The following IFT80 variants were observed in gnomAD, a reference collection of about 807,000 sequenced individuals.
IFT80 encodes intraflagellar transport protein 80 homolog.
Under a neutral mutation model 107.9 loss-of-function variants are expected in IFT80, and 79 were observed. The ratio of observed to expected loss-of-function variants is 0.73; its 90% confidence interval spans 0.61 to 0.88. IFT80 has a LOEUF of 0.88. Ranked by LOEUF, IFT80 falls within the 40% of genes least tolerant of loss-of-function variation. The pLI is 0.00. For missense variants in IFT80, 797 were observed against 914.2 expected, an observed-to-expected ratio of 0.87 and a Z score of 1.65; for synonymous variants, 299 against 300.9, an observed-to-expected ratio of 0.99 and a Z score of 0.07.
intron 2 of IFT80, 45 bp downstream of exon 2, chr3:160,384,519 A>G (rs770139025): frequency 4.3e-6 from 6 of 1,409,738 alleles, no homozygotes; most frequent in Admixed American, 2.2e-5. Context: ...TAACAATACT[A>G]TAATTAAGAA....
intron 19 of IFT80, among the ~76,000 whole-genome samples, chr3:160,258,867 T>C (rs1439016784): frequency 6.6e-6 from 1 of 151,854 alleles, no homozygotes; most frequent in Non-Finnish European, 1.5e-5. Context: ...AAGGCTGAGG[T>C]GGGTGGATTG....
chr3:160,307,791 G>A lies in IFT80; in HGVS notation c.958-10C>T, dbSNP rs778131214. 5.2e-6 allele frequency: 7 copies of A among 1,347,308 alleles called. No individual in the cohort carries two copies. Among genetic ancestry groups the A allele is most frequent in the Non-Finnish European group, 6.4e-6 (6 of 938,298 alleles). The allele number at this position is 1,347,308 out of a possible 1,614,324, so 83.5% of individuals were successfully genotyped here. On this transcript the variant is annotated splice_polypyrimidine_tract_variant and intron_variant, in intron 9 of 19. Coordinates refer to ENST00000326448, the MANE Select transcript of IFT80 (RefSeq NM_020800.3). ...TAAGAACATTACGAACCTAAACAAG[G>A]AAAAATAAAATACCAATAAACATTA...
chr3:160,278,328 T>G (rs371742311), intron 16 of IFT80, among the ~76,000 whole-genome samples: 3 of 152,304 alleles, frequency 2.0e-5, no homozygotes, highest in East Asian at 3.9e-4. Context: ...GTATACAAGA[T>G]GGCACTGGCC....
At chr3:160,269,665 A>G (rs1193432921) in intron 18 of IFT80, among the ~76,000 whole-genome samples, 1 of 152,196 alleles carries the variant, frequency 6.6e-6, no homozygotes, top group Non-Finnish European at 1.5e-5. Context: ...TTACTTTCAC[A>G]TGTGGGTTTT....
chr3:160,335,468 C>T (rs1342402434), intron 8 of IFT80, among the ~76,000 whole-genome samples: 2 of 151,986 alleles, frequency 1.3e-5, no homozygotes, highest in Admixed American at 1.3e-4. Context: ...GTGATCCACT[C>T]GCCTCGGCCT....
intron 12 of IFT80, among the ~76,000 whole-genome samples, chr3:160,294,222 T>C (rs1715800120): frequency 6.6e-6 from 1 of 152,068 alleles, no homozygotes; most frequent in African/African-American, 2.4e-5. Flanking sequence ...TCCTTAACTT[T>C]TTTTTTCTTT....
chr3:160,388,216 CTTT>C (rs754817640), intron 1 of IFT80, among the ~76,000 whole-genome samples: 7 of 134,858 alleles, frequency 5.2e-5, no homozygotes, highest in Admixed American at 1.5e-4. Context: ...GGACTTGTTT[CTTT>C]TTTTTTTTTT....
intron 1 of IFT80, among the ~76,000 whole-genome samples, chr3:160,397,496 T>A (rs1168415749): frequency 2.6e-5 from 4 of 152,136 alleles, no homozygotes; most frequent in Non-Finnish European, 4.4e-5. Flanking sequence ...CAAAATCAAA[T>A]CCTTATGGAG....
chr3:160,360,553 G>A (rs1382764289), intron 6 of IFT80, among the ~76,000 whole-genome samples: 2 of 152,106 alleles, frequency 1.3e-5, no homozygotes, highest in Non-Finnish European at 2.9e-5. Flanking sequence ...ACACATAATT[G>A]TCAGATTCAC....
chr3:160,356,950 T>C (rs1043696297), intron 7 of IFT80, among the ~76,000 whole-genome samples: 10 of 152,242 alleles, frequency 6.6e-5, no homozygotes, highest in African/African-American at 2.4e-4. Flanking sequence ...TCTCTACAAA[T>C]TATTTTGACC....
At chr3:160,325,044 A>C (rs1376278301) in intron 8 of IFT80, among the ~76,000 whole-genome samples, 3 of 151,118 alleles carry the variant, frequency 2.0e-5, no homozygotes, top group Non-Finnish European at 4.4e-5. Flanking sequence ...CTTCAAAGAG[A>C]ATAAAATACC....
chr3:160,367,307 T>C (rs1442389861), intron 5 of IFT80, among the ~76,000 whole-genome samples: 2 of 152,078 alleles, frequency 1.3e-5, no homozygotes, highest in Non-Finnish European at 1.5e-5. Flanking sequence ...AATGGAGTTA[T>C]AGCCATCAGT....
intron 8 of IFT80, among the ~76,000 whole-genome samples, chr3:160,333,610 C>A (rs1719243451): frequency 6.6e-6 from 1 of 152,000 alleles, no homozygotes; most frequent in South Asian, 2.1e-4. Flanking sequence ...TAGGCCTATG[C>A]AGGGTCAGAA....
chr3:160,323,903 G>C (rs183592500), intron 8 of IFT80, among the ~76,000 whole-genome samples: 4 of 152,140 alleles, frequency 2.6e-5, no homozygotes, highest in Admixed American at 2.6e-4. Context: ...AAGAAAAAAA[G>C]AGAGAAGAAT....
rs572643534 is a variant in IFT80, at chr3:160,366,036, G to C, written c.549+7C>G. 9 of 1,603,714 alleles carry C rather than the reference G, an allele frequency of 5.6e-6. No individual in the cohort carries two copies. The African/African-American group carries it at 1.2e-4, about 21-fold the overall frequency. The stretch of plus-strand genomic sequence containing the variant: ...CTGATAACAATTTACAAATGACTGA[G>C]AAGTACCTGCAAAACTTTAGCATTT... On this transcript the variant is annotated splice_region_variant and intron_variant, in intron 6 of 19. Coordinates refer to ENST00000326448, the MANE Select transcript of IFT80 (RefSeq NM_020800.3).
intron 12 of IFT80, among the ~76,000 whole-genome samples, chr3:160,300,615 C>A (rs971758186): frequency 2.0e-5 from 3 of 152,098 alleles, no homozygotes; most frequent in African/African-American, 7.2e-5. Flanking sequence ...AAACTCTCTA[C>A]CAACAGCTAC....
At chr3:160,292,467 A>G in intron 12 of IFT80, among the ~76,000 whole-genome samples, 1 of 148,734 alleles carries the variant, frequency 6.7e-6, no homozygotes, top group Middle Eastern at 3.5e-3. Flanking sequence ...CCTGCACTAG[A>G]GAGATTCCTT....
At chr3:160,338,914 T>G (rs1719685555) in intron 8 of IFT80, among the ~76,000 whole-genome samples, 1 of 152,180 alleles carries the variant, frequency 6.6e-6, no homozygotes, top group Non-Finnish European at 1.5e-5. Flanking sequence ...GTTAAGTTTA[T>G]TGCTGGGATA....
In IFT80 at chr3:160,258,268, A is replaced by G. The variant is rs1712512594; in HGVS notation, c.*257T>C. ...GAAGTAATGGGCAAAAAACTGACAT[A>G]TAATCGACACTACACAGGTATCTCT... On this transcript the variant is annotated 3_prime_UTR_variant, in exon 20 of 20. Coordinates refer to ENST00000326448, the MANE Select transcript of IFT80 (RefSeq NM_020800.3). The G allele has an allele frequency of 4.2e-6, 2 of 473,464 alleles. No homozygotes were observed. Among genetic ancestry groups the G allele is most frequent in the South Asian group, 5.6e-5 (2 of 35,802 alleles). 29.3% of individuals were successfully genotyped at this position (473,464 alleles called of 1,614,324 possible). A position where few individuals can be genotyped will look rare whatever the true frequency, so the allele number is the denominator to read the frequency against.
Sources: allele counts gnomAD v4.1 joint callset (sites outside exome capture counted in the v4.1 genomes callset), GRCh38; gene constraint gnomAD v4.1.1; transcripts MANE v1.5; gene names NCBI Gene and HGNC (gene_info 2026-07-23, HGNC 2026-07-21).